Variants in MTMR6 observed in about 807,000 individuals in gnomAD.
MTMR6 encodes phosphatidylinositol-3,5-bisphosphate 3-phosphatase MTMR6.
MTMR6 carries 47 observed loss-of-function variants against 80.1 expected under a neutral mutation model. The observed-to-expected ratio is 0.59, with a 90% CI of 0.46 to 0.75. MTMR6 has a LOEUF of 0.75. Among genes scored for constraint, MTMR6 ranks in the 30% least tolerant of loss-of-function variants. The probability of loss-of-function intolerance (pLI) is 0.00; values close to 1 mark genes in which losing one functional copy is unlikely to be tolerated. For missense variants in MTMR6, 629 were observed against 730.9 expected (o/e 0.86, Z 1.61); for synonymous variants, 254 against 253.0 (o/e 1.00, Z -0.04).
At chr13:25,266,349 T>C in intron 3 of MTMR6, 63 bp from the exon 4 acceptor site, 1 of 1,379,228 alleles carries the variant, frequency 7.3e-7, no homozygotes, top group Non-Finnish European at 9.9e-7. Flanking sequence ...TACAAATAAA[T>C]GTAATTTTTC....
intron 9 of MTMR6, 124 bp downstream of exon 9, chr13:25,257,072 C>A: frequency 9.3e-7 from 1 of 1,079,900 alleles, no homozygotes. Flanking sequence ...TGGCCACTCC[C>A]ACGGATGCCA....
At position 25,277,081 on chromosome 13, in the gene MTMR6, C is replaced by T. The variant is rs139075137; in HGVS notation, c.25-2894G>A. 5.8e-4 allele frequency among the ~76,000 whole-genome samples: 89 copies of T among 152,286 alleles called. 1 individual carries two copies. The highest frequency in any genetic ancestry group is 1.2e-3 in the Admixed American group (18 of 15,304). The stretch of plus-strand genomic sequence containing the variant: ...TTTGAGCCGTGTTATACATACTGAA[C>T]GCAAAACTGATTTCCCCTCTCACCC... On this transcript the variant is annotated intron_variant, in intron 1 of 13. Transcript: ENST00000381801.
chr13:25,265,690 C>G (rs1159827030), intron 5 of MTMR6, 129 bp downstream of exon 5: 8 of 1,011,614 alleles, frequency 7.9e-6, no homozygotes, highest in Non-Finnish European at 1.1e-5. Flanking sequence ...CAAGATGGTG[C>G]CACTGCACTC....
At chr13:25,268,004 T>G (rs1459066126) in intron 2 of MTMR6, 63 bp from the exon 3 acceptor site, 1 of 1,443,310 alleles carries the variant, frequency 6.9e-7, no homozygotes, top group Non-Finnish European at 9.3e-7. Flanking sequence ...TCTTCTAGAA[T>G]GCATAAGTTT....
intron 7 of MTMR6, 67 bp from the exon 8 acceptor site, chr13:25,257,912 T>A: frequency 9.0e-7 from 1 of 1,116,768 alleles, no homozygotes; most frequent in Non-Finnish European, 1.3e-6. Context: ...TTTTTCAAGA[T>A]CTCTCTAGAT....
Position 25,267,793 on chromosome 13 carries a change from T to C in MTMR6, c.290A>G (p.Gln97Arg), listed in dbSNP as rs372326300. Reference sequence around the variant, plus strand: ...AAGAACAATACCTTGTTTTGACAGTTGTAGCAAAGAGTTGTAAATATCATG... The same window carrying C: ...AAGAACAATACCTTGTTTTGACAGTCGTAGCAAAGAGTTGTAAATATCATG... ...DCHDIYNSLL[Q>R]LSKQAKYEDL... Residue 97 changes from glutamine to arginine, a missense_variant, in exon 3 of 14, where the codon CAA becomes CGA. Gln to Arg is a conservative substitution (Grantham distance 43). Transcript: ENST00000381801. The C allele has an allele frequency of 2.9e-5, 46 of 1,613,280 alleles. No individual in the cohort carries two copies. Among genetic ancestry groups the C allele is most frequent in the Non-Finnish European group, 3.4e-5 (40 of 1,179,664 alleles).
intron 1 of MTMR6, among the ~76,000 whole-genome samples, chr13:25,285,590 A>C (rs1296595425): frequency 2.0e-5 from 3 of 151,396 alleles, no homozygotes; most frequent in African/African-American, 7.3e-5. Context: ...GCTGGAGTGC[A>C]CTGGTGCCAT....
chr13:25,248,209 T>C lies in MTMR6; in HGVS notation c.*1023A>G, dbSNP rs1453544496. The C allele has an allele frequency of 1.3e-5, 2 of 152,154 alleles. No homozygotes were observed. The highest frequency in any genetic ancestry group is 4.8e-5 in the African/African-American group (2 of 41,466). 9.4% of individuals were successfully genotyped at this position (152,154 alleles called of 1,614,324 possible). A position where few individuals can be genotyped will look rare whatever the true frequency, so the allele number is the denominator to read the frequency against. ...AAACTATCTGTACTTCCCTTTTTTA[T>C]TTACCCAAAAGTTTTTGAGTAAACT... On this transcript the variant is annotated 3_prime_UTR_variant, in exon 14 of 14. Transcript: ENST00000381801.
At chr13:25,254,043 C>G in intron 10 of MTMR6, 79 bp from the exon 11 acceptor site, 1 of 1,387,694 alleles carries the variant, frequency 7.2e-7, no homozygotes, top group Non-Finnish European at 9.9e-7. Context: ...CTTAAACATA[C>G]AAAAATATTC....
intron 2 of MTMR6, 111 bp from the exon 3 acceptor site, chr13:25,268,052 T>C (rs1957495627): frequency 9.5e-7 from 1 of 1,051,934 alleles, no homozygotes. Context: ...AAATGTTACA[T>C]ACTCACTCAA....
At position 25,261,763 on chromosome 13, in the gene MTMR6, T is replaced by C. The variant is rs2137551657; in HGVS notation, c.631A>G (p.Ser211Gly). The change falls in exon 6 of 14, where the codon AGT becomes GGT. Residue 211 changes from serine to glycine, a missense_variant. Ser to Gly is a moderately conservative substitution (Grantham distance 56). Coordinates refer to ENST00000381801, the MANE Select transcript of MTMR6 (RefSeq NM_004685.5). ...CRCSQPLSGF[S>G]ARCLEDEHLL... ...TGTTCATCCTCCAGGCACCTGGCAC[T>C]GAATCCAGAGAGTGGCTGACTACAT... 1 of 1,613,722 alleles carries C rather than the reference T, an allele frequency of 6.2e-7. No individual in the cohort carries two copies. Among genetic ancestry groups the C allele is most frequent in the Non-Finnish European group, 8.5e-7 (1 of 1,179,736 alleles).
intron 9 of MTMR6, among the ~76,000 whole-genome samples, chr13:25,256,186 T>C (rs964029612): frequency 6.6e-6 from 1 of 152,230 alleles, no homozygotes; most frequent in African/African-American, 2.4e-5. Flanking sequence ...ACACATTACC[T>C]GCAGTCACCC....
rs1298619616 is a variant in MTMR6 at position 25,267,835 on chromosome 13, G to A, written c.248C>T (p.Pro83Leu). ...KNFRTVHFIVPRERDCHDIYN... is the reference protein window; with the variant it reads ...KNFRTVHFIVLRERDCHDIYN... ...AATATCATGGCAATCTCTTTCTCTG[G>A]GAACAATGAAATGCACAGTTCTGAA... Residue 83 changes from proline to leucine, a missense_variant, in exon 3 of 14, where the codon CCC becomes CTC. Transcript: ENST00000381801. 1 of 1,613,546 alleles carries A rather than the reference G, an allele frequency of 6.2e-7. No individual in the cohort carries two copies. Among genetic ancestry groups the A allele is most frequent in the Non-Finnish European group, 8.5e-7 (1 of 1,179,794 alleles).
intron 1 of MTMR6, among the ~76,000 whole-genome samples, chr13:25,275,148 C>G (rs1290245650): frequency 6.6e-6 from 1 of 152,162 alleles, no homozygotes; most frequent in Non-Finnish European, 1.5e-5. Flanking sequence ...TAATTTGGGC[C>G]AGGCACGGTG....
At chr13:25,265,520 T>C (rs1374675386) in intron 5 of MTMR6, among the ~76,000 whole-genome samples, 1 of 152,108 alleles carries the variant, frequency 6.6e-6, no homozygotes, top group African/African-American at 2.4e-5. Flanking sequence ...GGCAGGTGGA[T>C]CACTTGAGGT....
intron 2 of MTMR6, among the ~76,000 whole-genome samples, chr13:25,270,399 A>T (rs889433331): frequency 6.6e-6 from 1 of 152,222 alleles, no homozygotes; most frequent in African/African-American, 2.4e-5. Context: ...GAATATACTG[A>T]TAAGAAAGCA....
Position 25,257,280 on chromosome 13 carries a change from G to A in MTMR6, c.1011C>T (p.Ser337=), listed in dbSNP as rs143466257. 2.6e-4 allele frequency: 424 copies of A among 1,613,794 alleles called. No individual in the cohort carries two copies. Among genetic ancestry groups the A allele is most frequent in the Middle Eastern group, 2.3e-3 (14 of 6,060 alleles). ...CCTGGGAAGTCCTATCCCAACCATC[G>A]GAACAATGCACCAACACACTTGCAT... is the stretch of plus-strand genomic sequence containing the variant. ...VENASVLVHC[S]DGWDRTSQVC... The change falls in exon 9 of 14, where the codon TCC becomes TCT. Residue 337 remains serine, a synonymous_variant. Transcript: ENST00000381801.
Position 25,247,312 on chromosome 13 carries a change from G to A in MTMR6, c.*1920C>T, listed in dbSNP as rs4300488. ...TAATTACCTTTAAATCATATATGAA[G>A]TAATTTACATGCTATACACTTCCAA... On this transcript the variant is annotated 3_prime_UTR_variant, in exon 14 of 14. Transcript: ENST00000381801. 141,667 of 152,662 alleles carry A rather than the reference G, an allele frequency of 0.93. 66,641 individuals are homozygous for A. The highest frequency in any genetic ancestry group is 1 in the East Asian group (5,188 of 5,188). The allele number at this position is 152,662 out of a possible 1,614,324, so 9.5% of individuals were successfully genotyped here.
At chr13:25,261,843 C>A in intron 5 of MTMR6, 41 bp from the exon 6 acceptor site, 1 of 1,534,958 alleles carries the variant, frequency 6.5e-7, no homozygotes, top group East Asian at 2.4e-5. Context: ...GCAAAGATCT[C>A]TAAAATGTCT....
Sources: allele counts gnomAD v4.1 joint callset (sites outside exome capture counted in the v4.1 genomes callset), GRCh38; gene constraint gnomAD v4.1.1; transcripts MANE v1.5; gene names NCBI Gene and HGNC (gene_info 2026-07-23, HGNC 2026-07-21).